The following SCN11A variants were observed in gnomAD, a reference collection of about 807,000 sequenced individuals.
The protein encoded by SCN11A is sodium voltage-gated channel alpha subunit 11.
A neutral mutation model predicts 162.2 loss-of-function variants in SCN11A; 122 were observed. The observed-to-expected ratio is 0.75, with a 90% CI of 0.65 to 0.87. SCN11A has a LOEUF of 0.87. Ranked by LOEUF, SCN11A falls within the 40% of genes least tolerant of loss-of-function variation. The pLI, the probability that SCN11A is intolerant of heterozygous loss-of-function variation, is 0.00. For missense variants in SCN11A, 2,015 were observed against 2,181.6 expected, an observed-to-expected ratio of 0.92 and a Z score of 1.52; for synonymous variants, 758 against 751.5, an observed-to-expected ratio of 1.01 and a Z score of -0.14.
rs115039923 is a variant in SCN11A, at chr3:38,964,344, A to T, written c.-279-3921T>A. Among the ~76,000 whole-genome samples the T allele has an allele frequency of 8.0e-3, 1,219 of 152,308 alleles. 19 individuals are homozygous for T. The highest frequency in any genetic ancestry group is 0.028 in the African/African-American group (1,172 of 41,554). On this transcript the variant is annotated intron_variant, in intron 2 of 29. Transcript: ENST00000302328. ...CAGCAGCAACACCTCCCATCTGCTC[A>T]TTTAGCAAAGATGACATTGAGCCGC... is the stretch of plus-strand genomic sequence containing the variant.
chr3:38,941,497 C>T (rs2066442340), intron 7 of SCN11A, among the ~76,000 whole-genome samples: 1 of 152,000 alleles, frequency 6.6e-6, no homozygotes, highest in Non-Finnish European at 1.5e-5. Flanking sequence ...CCATTAAAAG[C>T]AAAAATGATA....
chr3:38,974,221 A>C (rs1236822737), intron 2 of SCN11A, among the ~76,000 whole-genome samples: 1 of 152,240 alleles, frequency 6.6e-6, no homozygotes, highest in East Asian at 1.9e-4. Context: ...CTAGAAATAA[A>C]AATAATTAGC....
intron 19 of SCN11A, among the ~76,000 whole-genome samples, chr3:38,891,900 T>G (rs530608786): frequency 1.3e-5 from 2 of 152,190 alleles, no homozygotes; most frequent in East Asian, 1.9e-4. Flanking sequence ...GAGGACACAT[T>G]CAAATCCTAG....
intron 2 of SCN11A, among the ~76,000 whole-genome samples, chr3:38,986,139 C>A (rs1047355568): frequency 6.6e-6 from 1 of 150,792 alleles, no homozygotes; most frequent in Non-Finnish European, 1.5e-5. Flanking sequence ...TACAGATCAG[C>A]TGCCTTCATT....
intron 2 of SCN11A, among the ~76,000 whole-genome samples, chr3:38,964,689 A>G (rs2066770608): frequency 6.6e-6 from 1 of 152,244 alleles, no homozygotes; most frequent in Non-Finnish European, 1.5e-5. Context: ...GCTTGGAGGT[A>G]CAAGCATGTG....
chr3:38,923,408 T>G (rs4585134), intron 9 of SCN11A, among the ~76,000 whole-genome samples: 132,385 of 152,064 alleles, frequency 0.87, 57,714 homozygotes, highest in South Asian at 0.91. Flanking sequence ...AATTTCCTGC[T>G]GAATCCTTTC....
chr3:38,979,926 C>A (rs899671750), intron 2 of SCN11A, among the ~76,000 whole-genome samples: 1 of 152,316 alleles, frequency 6.6e-6, no homozygotes, highest in South Asian at 2.1e-4. Flanking sequence ...AGTGCAGACC[C>A]CACCCTGCCC....
chr3:38,921,097 T>C lies in SCN11A; in HGVS notation c.871A>G (p.Ile291Val), dbSNP rs1250074487. Residue 291 changes from isoleucine to valine, a missense_variant, in exon 10 of 30, where the codon ATC (isoleucine) becomes GTC (valine). By Grantham distance (29) the Ile-to-Val change is conservative. Transcript: ENST00000302328. ...LKCISRDCKN[I>V]SNPEAYDHCF... Reference sequence around the variant, plus strand: ...TTACCATAAGCTTCCGGGTTACTGATATTTTTACAGTCCCTCGAGATGCAT... The same window carrying C: ...TTACCATAAGCTTCCGGGTTACTGACATTTTTACAGTCCCTCGAGATGCAT... 1 of 1,614,086 alleles carries C rather than the reference T, an allele frequency of 6.2e-7. No homozygotes were observed. Among genetic ancestry groups the C allele is most frequent in the Non-Finnish European group, 8.5e-7 (1 of 1,179,928 alleles).
At chr3:38,960,569 A>G (rs933231034) in intron 2 of SCN11A, among the ~76,000 whole-genome samples, 146 bp from the exon 3 acceptor site, 1 of 152,258 alleles carries the variant, frequency 6.6e-6, no homozygotes, top group Non-Finnish European at 1.5e-5. Flanking sequence ...TCAGTGCTTA[A>G]TCTAACTCTG....
chr3:38,969,914 C>T (rs554792697), intron 2 of SCN11A, among the ~76,000 whole-genome samples: 6 of 152,348 alleles, frequency 3.9e-5, no homozygotes, highest in African/African-American at 1.4e-4. Context: ...CTACCTCCCA[C>T]ATAAGGTGGC....
At chr3:39,035,056 T>C (rs144773352) in intron 1 of SCN11A, among the ~76,000 whole-genome samples, 2 of 151,874 alleles carry the variant, frequency 1.3e-5, no homozygotes, top group African/African-American at 4.8e-5. Context: ...GCAATCCCTA[T>C]GAAAATAACA....
At chr3:38,987,313 A>T (rs867843513) in intron 2 of SCN11A, among the ~76,000 whole-genome samples, 7,419 of 141,666 alleles carry the variant, frequency 0.052, 587 homozygotes, top group African/African-American at 0.19. Context: ...TCACACACAC[A>T]CACACACACA....
In SCN11A at chr3:38,945,466, A is replaced by T; in HGVS notation, c.433T>A (p.Phe145Ile). The change falls in exon 7 of 30, where the codon TTC (phenylalanine) becomes ATC (isoleucine). Residue 145 changes from phenylalanine to isoleucine, a missense_variant. Physicochemically the swap from Phe to Ile is conservative, Grantham distance 21 (BLOSUM62 0). Coordinates refer to ENST00000302328, the MANE Select transcript of SCN11A (RefSeq NM_001349253.2). Reference sequence around the variant, plus strand: ...TTTTTAGCAGGCCCTGTAGCCATGAACACGCAGTTGATGATAACGGTGCCG... The same window carrying T: ...TTTTTAGCAGGCCCTGTAGCCATGATCACGCAGTTGATGATAACGGTGCCG... ...IIGTVIINCV[F>I]MATGPAKNSN... 1 of 1,600,358 alleles carries T rather than the reference A, an allele frequency of 6.2e-7. No homozygotes were observed.
At chr3:38,935,329 G>C (rs1305000385) in intron 7 of SCN11A, among the ~76,000 whole-genome samples, 1 of 152,042 alleles carries the variant, frequency 6.6e-6, no homozygotes. Flanking sequence ...AGAAAAGCAA[G>C]AGCAAACACA....
At chr3:38,849,890 T>C (rs186782720) in intron 29 of SCN11A, 2 of 152,444 alleles carry the variant, frequency 1.3e-5, no homozygotes, top group Admixed American at 1.3e-4. Context: ...ACAAGCACAG[T>C]TCACACTGTG....
intron 2 of SCN11A, among the ~76,000 whole-genome samples, chr3:39,024,801 C>T (rs891220140): frequency 2.6e-5 from 4 of 152,100 alleles, no homozygotes; most frequent in African/African-American, 9.7e-5. Context: ...CTGGATATCC[C>T]CAGTCTATTA....
intron 11 of SCN11A, among the ~76,000 whole-genome samples, chr3:38,912,975 AT>A (rs1373940072): frequency 6.6e-6 from 1 of 152,174 alleles, no homozygotes; most frequent in East Asian, 1.9e-4. Context: ...AATGATTTAT[AT>A]TCCTCTGGGT....
chr3:39,028,524 T>C (rs1050437002), intron 2 of SCN11A, among the ~76,000 whole-genome samples: 1 of 152,218 alleles, frequency 6.6e-6, no homozygotes, highest in African/African-American at 2.4e-5. Context: ...CATACCATTC[T>C]TTAACTGCTG....
chr3:39,050,276 A>T (rs1010086701), intron 1 of SCN11A, among the ~76,000 whole-genome samples: 1 of 151,852 alleles, frequency 6.6e-6, no homozygotes, highest in Non-Finnish European at 1.5e-5. Context: ...TGCCTAGTTA[A>T]CTCTTGACTC....
Sources: allele counts gnomAD v4.1 joint callset (sites outside exome capture counted in the v4.1 genomes callset), GRCh38; gene constraint gnomAD v4.1.1; transcripts MANE v1.5; gene names NCBI Gene and HGNC (gene_info 2026-07-23, HGNC 2026-07-21).